Variants in BMPR1A observed in about 807,000 individuals in gnomAD.
The protein encoded by BMPR1A is bone morphogenetic protein receptor type 1A.
BMPR1A carries 7 observed loss-of-function variants against 66.0 expected under a neutral mutation model. That is an observed-to-expected ratio of 0.11 (90% CI 0.06 to 0.20). The LOEUF is 0.20. Among genes scored for constraint, BMPR1A ranks in the 10% least tolerant of loss-of-function variants. The probability of loss-of-function intolerance (pLI) is 1.00; values close to 1 mark genes in which losing one functional copy is unlikely to be tolerated. For missense variants in BMPR1A, 408 were observed against 669.1 expected (o/e 0.61, Z 4.31); for synonymous variants, 200 against 229.7 (o/e 0.87, Z 1.17).
At chr10:86,891,033 A>G (rs1265127370) in intron 4 of BMPR1A, among the ~76,000 whole-genome samples, 1 of 152,212 alleles carries the variant, frequency 6.6e-6, no homozygotes, top group Non-Finnish European at 1.5e-5. Flanking sequence ...GGCAATAATG[A>G]ATGTCATGTT....
chr10:86,763,361 C>T (rs1431800180), intron 1 of BMPR1A, among the ~76,000 whole-genome samples: 4 of 152,124 alleles, frequency 2.6e-5, no homozygotes, highest in Admixed American at 2.6e-4. Flanking sequence ...GGTTTTACTA[C>T]TGAGTACCTA....
intron 1 of BMPR1A, among the ~76,000 whole-genome samples, chr10:86,794,392 G>A: frequency 6.7e-6 from 1 of 149,540 alleles, no homozygotes; most frequent in Middle Eastern, 3.4e-3. Flanking sequence ...AGTAATGCTT[G>A]TCTGTATGTA....
intron 5 of BMPR1A, among the ~76,000 whole-genome samples, chr10:86,895,879 C>T (rs1843217403): frequency 6.6e-6 from 1 of 152,068 alleles, no homozygotes; most frequent in Admixed American, 6.6e-5. Context: ...ATTAGCTGGG[C>T]CTGGTGGCTC....
intron 10 of BMPR1A, among the ~76,000 whole-genome samples, chr10:86,919,681 GT>G (rs796312915): frequency 1.3e-4 from 19 of 147,596 alleles, no homozygotes; most frequent in East Asian, 5.9e-4. Flanking sequence ...TTTTTTTGGT[GT>G]TTTTTTTTGT....
At chr10:86,808,253 G>C (rs569623367) in intron 1 of BMPR1A, among the ~76,000 whole-genome samples, 1 of 152,098 alleles carries the variant, frequency 6.6e-6, no homozygotes, top group African/African-American at 2.4e-5. Flanking sequence ...GGGATCTGTA[G>C]TGATCTTTTT....
chr10:86,880,704 T>C (rs1218066047), intron 3 of BMPR1A, among the ~76,000 whole-genome samples: 1 of 152,224 alleles, frequency 6.6e-6, no homozygotes, highest in African/African-American at 2.4e-5. Flanking sequence ...ATTGTCTTTT[T>C]TCACTAAGGA....
chr10:86,826,174 C>CA (rs1842191198), intron 1 of BMPR1A, among the ~76,000 whole-genome samples: 1 of 152,020 alleles, frequency 6.6e-6, no homozygotes, highest in Non-Finnish European at 1.5e-5. Context: ...CATTTTAGCA[C>CA]GTGTATCCTA....
chr10:86,780,510 C>G (rs541315939), intron 1 of BMPR1A, among the ~76,000 whole-genome samples: 2 of 152,250 alleles, frequency 1.3e-5, no homozygotes, highest in African/African-American at 4.8e-5. Context: ...TCTCGGCTCA[C>G]TGCAACCTCC....
chr10:86,802,610 A>G (rs1589723390), intron 1 of BMPR1A, among the ~76,000 whole-genome samples: 1 of 152,016 alleles, frequency 6.6e-6, no homozygotes, highest in African/African-American at 2.4e-5. Flanking sequence ...CTCTCAGATC[A>G]GCTGGTGCAA....
chr10:86,855,737 G>A, intron 2 of BMPR1A: 1 of 901,482 alleles, frequency 1.1e-6, no homozygotes, highest in Non-Finnish European at 1.7e-6. Flanking sequence ...TTTGAGACCA[G>A]CTTTCTTTTT....
At chr10:86,832,982 C>A (rs939451083) in intron 1 of BMPR1A, among the ~76,000 whole-genome samples, 2 of 152,070 alleles carry the variant, frequency 1.3e-5, no homozygotes, top group African/African-American at 4.8e-5. Context: ...TGGTGGCTCA[C>A]GCTTATAATC....
chr10:86,859,603 T>G (rs973903135), intron 2 of BMPR1A, among the ~76,000 whole-genome samples: 6 of 152,050 alleles, frequency 3.9e-5, no homozygotes, highest in Admixed American at 3.9e-4. Context: ...GTGGATCACC[T>G]GAGGTCAGGA....
chr10:86,814,933 G>C (rs376826432), intron 1 of BMPR1A, among the ~76,000 whole-genome samples: 1 of 151,950 alleles, frequency 6.6e-6, no homozygotes, highest in African/African-American at 2.4e-5. Context: ...CTATAGGTGC[G>C]CGCCACCATG....
chr10:86,826,486 T>C (rs1366586400), intron 1 of BMPR1A, among the ~76,000 whole-genome samples: 6 of 151,650 alleles, frequency 4.0e-5, no homozygotes, highest in Non-Finnish European at 8.8e-5. Context: ...TACTTTAGGA[T>C]AAGCCACTAC....
chr10:86,786,187 T>C (rs1841513005), intron 1 of BMPR1A, among the ~76,000 whole-genome samples: 1 of 152,168 alleles, frequency 6.6e-6, no homozygotes, highest in Non-Finnish European at 1.5e-5. Context: ...CACTCAGCCC[T>C]TGCCTCTACA....
rs191581129 is a variant in BMPR1A, at chr10:86,860,067, G to A, written c.-152-15800G>A. Among the ~76,000 whole-genome samples the A allele has an allele frequency of 2.6e-3, 393 of 152,108 alleles. 2 individuals are homozygous for A. Among genetic ancestry groups the A allele is most frequent in the Admixed American group, 4.3e-3 (65 of 15,278 alleles). ...CATGCACCTGTAGTTGGGACTGCTCGGGAGGCCGAAGCAGTGCAATCTGAT... is the reference window on the plus strand; with the variant it reads ...CATGCACCTGTAGTTGGGACTGCTCAGGAGGCCGAAGCAGTGCAATCTGAT... On this transcript the variant is annotated intron_variant, in intron 2 of 12. Coordinates refer to ENST00000372037, the MANE Select transcript of BMPR1A (RefSeq NM_004329.3).
intron 1 of BMPR1A, among the ~76,000 whole-genome samples, chr10:86,761,221 C>T (rs1841051374): frequency 6.6e-6 from 1 of 152,176 alleles, no homozygotes. Context: ...AATGAGTAGA[C>T]ATTGAATAGA....
intron 1 of BMPR1A, among the ~76,000 whole-genome samples, chr10:86,831,994 C>A (rs947599457): frequency 6.6e-6 from 1 of 152,046 alleles, no homozygotes; most frequent in Non-Finnish European, 1.5e-5. Context: ...AGATGATATA[C>A]CTATAAGTAG....
intron 8 of BMPR1A, among the ~76,000 whole-genome samples, chr10:86,913,212 G>A (rs927328912): frequency 4.0e-5 from 6 of 151,572 alleles, no homozygotes; most frequent in African/African-American, 1.5e-4. Flanking sequence ...TGCAACCCCT[G>A]CTTCCCAAGT....
Sources: allele counts gnomAD v4.1 joint callset (sites outside exome capture counted in the v4.1 genomes callset), GRCh38; gene constraint gnomAD v4.1.1; transcripts MANE v1.5; gene names NCBI Gene and HGNC (gene_info 2026-07-23, HGNC 2026-07-21).